DNAAF5: variants seen among roughly 807,000 people sequenced by gnomAD.
The protein encoded by DNAAF5 is HEAT repeat containing 2.
In DNAAF5, 64 loss-of-function variants were observed where a neutral mutation model predicts 75.8. That is an observed-to-expected ratio of 0.84 (90% CI 0.69 to 1.04). DNAAF5 has a LOEUF of 1.04. DNAAF5 is among the 50% of genes least tolerant of loss of function. The pLI is 0.00. For synonymous variants in DNAAF5, 657 were observed against 557.2 expected (o/e 1.18, Z -2.52); for missense variants, 1,269 against 1,178.5 (o/e 1.08, Z -1.12).
Position 782,899 on chromosome 7 carries a change from G to T in DNAAF5, c.2432-2618G>T, listed in dbSNP as rs187900624. ...TCCCCTCACACAACGTCAGAAACTC[G>T]ATCTTCCTGGCGTGGCCACCTCCCC... On this transcript the variant is annotated intron_variant, in intron 12 of 12. Coordinates refer to ENST00000297440, the MANE Select transcript of DNAAF5 (RefSeq NM_017802.4). 1.4e-3 allele frequency among the ~76,000 whole-genome samples: 217 copies of T among 151,088 alleles called. 2 individuals carry two copies. The highest frequency in any genetic ancestry group is 5.1e-3 in the African/African-American group (211 of 41,108).
chr7:730,033 T>G (rs913481439), intron 2 of DNAAF5, among the ~76,000 whole-genome samples, 186 bp downstream of exon 2: 1 of 152,180 alleles, frequency 6.6e-6, no homozygotes, highest in South Asian at 2.1e-4. Flanking sequence ...CTGAACTGTT[T>G]TAATGTTTGA....
At chr7:727,357 C>G in intron 1 of DNAAF5, 42 bp downstream of exon 1, 5 of 1,117,100 alleles carry the variant, frequency 4.5e-6, no homozygotes, top group Non-Finnish European at 5.6e-6. Flanking sequence ...ACCCCACACT[C>G]TCACCCCCAC....
At chr7:780,424 C>T (rs1477173299) in intron 12 of DNAAF5, among the ~76,000 whole-genome samples, 1 of 152,252 alleles carries the variant, frequency 6.6e-6, no homozygotes, top group Non-Finnish European at 1.5e-5. Flanking sequence ...TATATTGACA[C>T]AGATGGCTTG....
chr7:729,376 A>G (rs573346228), intron 1 of DNAAF5, among the ~76,000 whole-genome samples: 4 of 152,346 alleles, frequency 2.6e-5, no homozygotes, highest in East Asian at 1.9e-4. Context: ...GTCTTCAGCC[A>G]CAATGGGTTT....
chr7:734,531 G>A (rs180823618), intron 2 of DNAAF5, among the ~76,000 whole-genome samples: 2 of 152,328 alleles, frequency 1.3e-5, no homozygotes, highest in East Asian at 3.9e-4. Context: ...ATATTGTCCT[G>A]TAGTTTTCCT....
intron 4 of DNAAF5, among the ~76,000 whole-genome samples, chr7:745,345 G>A (rs1222643117): frequency 1.3e-5 from 2 of 152,230 alleles, no homozygotes; most frequent in Non-Finnish European, 2.9e-5. Context: ...GAGGCGGGGG[G>A]TCGGGGGGAC....
At chr7:752,803 G>A (rs1782349844) in intron 4 of DNAAF5, among the ~76,000 whole-genome samples, 1 of 152,256 alleles carries the variant, frequency 6.6e-6, no homozygotes, top group South Asian at 2.1e-4. Context: ...AGACTGAGAT[G>A]TTTGGAGATG....
rs1291393329 is a variant in DNAAF5 at position 741,249 on chromosome 7, G to A, written c.906-98G>A. ...GGGTTGGGGAGCTTCCCGCTCTCAC[G>A]CAATGGGGTCTTTGGGTGACCCGTG... is the stretch of plus-strand genomic sequence containing the variant. On this transcript the variant is annotated intron_variant, in intron 3 of 12. Transcript: ENST00000297440. 27 of 889,530 alleles carry A rather than the reference G, an allele frequency of 3.0e-5. No individual in the cohort carries two copies. In the East Asian group the frequency reaches 4.2e-4, roughly 14 times the overall value. 55.1% of individuals were successfully genotyped at this position (889,530 alleles called of 1,614,324 possible). A position where few individuals can be genotyped will look rare whatever the true frequency, so the allele number is the denominator to read the frequency against.
intron 4 of DNAAF5, among the ~76,000 whole-genome samples, chr7:746,815 C>T (rs554044494): frequency 1.8e-4 from 28 of 152,352 alleles, no homozygotes; most frequent in East Asian, 5.8e-4. Flanking sequence ...GCATCTCCAC[C>T]GCCCAGAACT....
intron 10 of DNAAF5, among the ~76,000 whole-genome samples, chr7:774,731 G>A (rs981119372): frequency 6.6e-6 from 1 of 152,218 alleles, no homozygotes; most frequent in Non-Finnish European, 1.5e-5. Context: ...CCAGCCGAAA[G>A]CCCCACGTCC....
chr7:744,619 A>G (rs1236600161), intron 4 of DNAAF5, among the ~76,000 whole-genome samples: 1 of 152,232 alleles, frequency 6.6e-6, no homozygotes, highest in Non-Finnish European at 1.5e-5. Flanking sequence ...ATCTCACACC[A>G]GTTAGAATGG....
chr7:741,050 T>C lies in DNAAF5; in HGVS notation c.905+107T>C, dbSNP rs62432212. The C allele has an allele frequency of 0.98, 1,352,135 of 1,375,352 alleles. 664,728 individuals are homozygous for C. The highest frequency in any genetic ancestry group is 1 in the East Asian group (43,471 of 43,472). The allele number at this position is 1,375,352 out of a possible 1,614,324, so 85.2% of individuals were successfully genotyped here. On this transcript the variant is annotated intron_variant, in intron 3 of 12. Transcript: ENST00000297440. ...TCACAGAAACCTGCTGGTGTCCCTT[T>C]GTCCCTGTGCTCCGAAGGGATGTGC...
In DNAAF5 at chr7:785,607, G is replaced by C; in HGVS notation, c.2522G>C (p.Cys841Ser). 3.1e-6 allele frequency: 5 copies of C among 1,613,188 alleles called. No homozygotes were observed. Among genetic ancestry groups the C allele is most frequent in the Non-Finnish European group, 4.2e-6 (5 of 1,180,020 alleles). ...CACAAGCACCGCTCGGCCACCTACT[G>C]CGAGCAGCTCCTGCAGCATGTGCAG... ...VIHKHRSATY[C>S]EQLLQHVQAV... Residue 841 changes from cysteine (C) to serine (S), a missense_variant, in exon 13 of 13, where the codon TGC becomes TCC. Cys to Ser is a moderately radical substitution (Grantham distance 112, BLOSUM62 -1). Coordinates refer to ENST00000297440, the MANE Select transcript of DNAAF5 (RefSeq NM_017802.4).
At position 777,335 on chromosome 7, in the gene DNAAF5, G is replaced by A. The variant is rs117035969; in HGVS notation, c.2239+2173G>A. ...CTAAGGGCAGCCTCGCACCCAGCCCGGGAAGGAAGTGCCGATAATAGAACC... is the reference window on the plus strand; with the variant it reads ...CTAAGGGCAGCCTCGCACCCAGCCCAGGAAGGAAGTGCCGATAATAGAACC... On this transcript the variant is annotated intron_variant, in intron 11 of 12. Coordinates refer to ENST00000297440, the MANE Select transcript of DNAAF5 (RefSeq NM_017802.4). Among the ~76,000 whole-genome samples the A allele has an allele frequency of 3.7e-3, 569 of 152,240 alleles. 2 individuals carry two copies. The highest frequency in any genetic ancestry group is 6.5e-3 in the Non-Finnish European group (445 of 68,030).
chr7:782,151 C>A (rs1348748218), intron 12 of DNAAF5, among the ~76,000 whole-genome samples: 1 of 152,116 alleles, frequency 6.6e-6, no homozygotes, highest in Admixed American at 6.5e-5. Flanking sequence ...GTCAGAAACT[C>A]GGATCTTCGC....
chr7:741,509 G>C, intron 4 of DNAAF5, 44 bp downstream of exon 4: 1 of 1,232,088 alleles, frequency 8.1e-7, no homozygotes, highest in Non-Finnish European at 1.2e-6. Flanking sequence ...GCGAGCCCTT[G>C]TTGGGTGGGA....
In DNAAF5 at chr7:727,167, G is replaced by C. The variant is rs969984227; in HGVS notation, c.447G>C (p.Leu149=). Residue 149 remains leucine, a synonymous_variant, in exon 1 of 13, where the codon CTG becomes CTC. Transcript: ENST00000297440. ...EELRLALVQL[L]GLAVDLCGAA... ...TGCGCCTGGCGCTTGTGCAGCTGCT[G>C]GGCCTGGCCGTGGACCTGTGCGGCG... 1.7e-4 allele frequency: 228 copies of C among 1,314,230 alleles called. No homozygotes were observed. Among genetic ancestry groups the C allele is most frequent in the Non-Finnish European group, 2.1e-4 (220 of 1,027,096 alleles). 81.4% of individuals were successfully genotyped at this position (1,314,230 alleles called of 1,614,324 possible). A position where few individuals can be genotyped will look rare whatever the true frequency, so the allele number is the denominator to read the frequency against.
chr7:784,000 A>C, intron 12 of DNAAF5, among the ~76,000 whole-genome samples: 1 of 134,376 alleles, frequency 7.4e-6, no homozygotes, highest in East Asian at 2.2e-4. Flanking sequence ...AAAACAAAAC[A>C]CAGATGCCCT....
Position 780,020 on chromosome 7 carries a change from C to T in DNAAF5, c.2307C>T (p.Thr769=). ...TGGCAGCCGCCTCCACCTTGGTCAC[C>T]TGGCTGCAGTGTGTCAAGGGTGCCA... ...VRMAAASTLV[T]WLQCVKGANA... The change falls in exon 12 of 13, where the codon ACC becomes ACT. Residue 769 remains threonine, a synonymous_variant. Coordinates refer to ENST00000297440, the MANE Select transcript of DNAAF5 (RefSeq NM_017802.4). The T allele has an allele frequency of 6.2e-7, 1 of 1,614,228 alleles. No individual in the cohort carries two copies. The highest frequency in any genetic ancestry group is 8.5e-7 in the Non-Finnish European group (1 of 1,180,022).
Sources: gnomAD v4.1 joint callset for allele counts (sites outside exome capture counted in the v4.1 genomes callset) on GRCh38, gnomAD v4.1.1 for gene constraint, MANE v1.5 for transcripts, NCBI Gene and HGNC (gene_info 2026-07-23, HGNC 2026-07-21) for gene names.